The following PCDHGB2 variants were observed in gnomAD, a reference collection of about 807,000 sequenced individuals.
The protein encoded by PCDHGB2 is protocadherin gamma-B2.
Under a neutral mutation model 59.3 loss-of-function variants are expected in PCDHGB2, and 55 were observed. The observed-to-expected ratio is 0.93, with a 90% confidence interval of 0.75 to 1.16. PCDHGB2 has a LOEUF of 1.16. PCDHGB2 is among the 50% of genes most tolerant of loss of function. PCDHGB2 has a pLI of 0.00. For synonymous variants in PCDHGB2, 516 were observed against 512.0 expected (o/e 1.01, Z -0.11); for missense variants, 1,228 against 1,198.5 (o/e 1.02, Z -0.36).
At position 141,384,421 on chromosome 5, in the gene PCDHGB2, A is replaced by T. The variant is rs764678416; in HGVS notation, c.2421+21865A>T. The T allele has an allele frequency of 1.9e-6, 3 of 1,613,914 alleles. No homozygotes were observed. In the South Asian group the frequency reaches 3.3e-5, roughly 18 times the overall value. ...TCCAGTGTCCTCCTATGTCTCCATA[A>T]ACTCTGACACTGGAGTCCTGTACGC... On this transcript the variant is annotated intron_variant, in intron 1 of 3. Transcript: ENST00000522605.
chr5:141,486,843 A>G lies in PCDHGB2; in HGVS notation c.2422-7964A>G, dbSNP rs1455684942. On this transcript the variant is annotated intron_variant, in intron 1 of 3. Coordinates refer to ENST00000522605, the MANE Select transcript of PCDHGB2 (RefSeq NM_018923.3). The surrounding 1 kb of genome is among the most constrained non-coding windows in gnomAD (Gnocchi z 5.0). ...GTAACAGTTCGTCTATTTGTGCTGG[A>G]CCTCAATGACAATGCTCCAGCTGTG... 6.2e-7 allele frequency: 1 copy of G among 1,614,214 alleles called. No homozygotes were observed. Among genetic ancestry groups the G allele is most frequent in the Admixed American group, 1.7e-5 (1 of 60,034 alleles).
chr5:141,414,649 AT>A (rs1410490912), intron 1 of PCDHGB2: 15 of 1,613,914 alleles, frequency 9.3e-6, no homozygotes, highest in Non-Finnish European at 1.3e-5. Context: ...TGCCCAGATT[AT>A]TTACTCCCTG....
At chr5:141,394,689 G>A (rs1354749268) in intron 1 of PCDHGB2, 4 of 1,612,344 alleles carry the variant, frequency 2.5e-6, no homozygotes, top group Non-Finnish European at 3.4e-6. Flanking sequence ...CACGGGCGAG[G>A]TGCGCACGGC....
At position 141,360,821 on chromosome 5, in the gene PCDHGB2, G is replaced by A. The variant is rs1214770155; in HGVS notation, c.686G>A (p.Arg229Gln). Residue 229 changes from arginine (R) to glutamine (Q), a missense_variant, in exon 1 of 4, where the codon CGA (arginine) becomes CAA (glutamine). By Grantham distance (43) the Arg-to-Gln change is conservative. Around this residue, in one of 3 missense-constraint regions of PCDHGB2, gnomAD observed 781 missense variants for 721.6 expected, o/e 1.08. Coordinates refer to ENST00000522605, the MANE Select transcript of PCDHGB2 (RefSeq NM_018923.3). ...DPPQSGTTQI[R>Q]IKVTDANDNP... Reference sequence around the variant, plus strand: ...CCTCAAAGTGGCACGACCCAAATCCGAATCAAAGTCACGGATGCCAACGAT... The same window carrying A: ...CCTCAAAGTGGCACGACCCAAATCCAAATCAAAGTCACGGATGCCAACGAT... 1 of 1,613,924 alleles carries A rather than the reference G, an allele frequency of 6.2e-7. No homozygotes were observed. Among genetic ancestry groups the A allele is most frequent in the Non-Finnish European group, 8.5e-7 (1 of 1,179,882 alleles).
rs542553570 is a variant in PCDHGB2 at position 141,372,192 on chromosome 5, T to C, written c.2421+9636T>C. On this transcript the variant is annotated intron_variant, in intron 1 of 3. Coordinates refer to ENST00000522605, the MANE Select transcript of PCDHGB2 (RefSeq NM_018923.3). The stretch of plus-strand genomic sequence containing the variant: ...GGTGGCGGTGGACGCAGACTCGGGA[T>C]ACAACGCCTGGCTGTCCTACCACAT... 6.2e-6 allele frequency: 10 copies of C among 1,613,546 alleles called. No homozygotes were observed. Among genetic ancestry groups the C allele is most frequent in the Middle Eastern group, 1.7e-4 (1 of 6,028 alleles).
intron 1 of PCDHGB2, chr5:141,388,782 A>G (rs1589071559): frequency 6.2e-7 from 1 of 1,613,902 alleles, no homozygotes; most frequent in African/African-American, 1.3e-5. Flanking sequence ...CGGGGAAATT[A>G]CTGTTTTAAA....
At chr5:141,364,743 T>C in intron 1 of PCDHGB2, 1 of 1,613,916 alleles carries the variant, frequency 6.2e-7, no homozygotes, top group Non-Finnish European at 8.5e-7. Flanking sequence ...GATGAAGAGT[T>C]AAAAGTAAAA....
In PCDHGB2 at chr5:141,384,701, A is replaced by G. The variant is rs775540555; in HGVS notation, c.2421+22145A>G. On this transcript the variant is annotated intron_variant, in intron 1 of 3. Transcript: ENST00000522605. ...GCGGTGGACAAAGATTCAGGCCAGA[A>G]CGCCTGGCTGTCATACCTCCTGCTT... is the stretch of plus-strand genomic sequence containing the variant. The G allele has an allele frequency of 8.7e-6, 14 of 1,614,138 alleles. No homozygotes were observed. In the South Asian group the frequency reaches 1.2e-4, roughly 14 times the overall value.
chr5:141,408,717 T>C lies in PCDHGB2; in HGVS notation c.2421+46161T>C, dbSNP rs774691298. ...ATAAACTCAATTAAAGATTATAAGA[T>C]AAACTCTAATCCTTATTTTTCATTA... is the stretch of plus-strand genomic sequence containing the variant. On this transcript the variant is annotated intron_variant, in intron 1 of 3. Transcript: ENST00000522605. The C allele has an allele frequency of 1.9e-6, 3 of 1,611,662 alleles. No individual in the cohort carries two copies. In the South Asian group the frequency reaches 3.3e-5, roughly 18 times the overall value.
chr5:141,389,196 C>T, intron 1 of PCDHGB2: 1 of 1,614,048 alleles, frequency 6.2e-7, no homozygotes, highest in South Asian at 1.1e-5. Flanking sequence ...CAGCATCACC[C>T]TGCACATTGG....
rs1372151234 is a variant in PCDHGB2 at position 141,360,418 on chromosome 5, A to G, written c.283A>G (p.Ile95Val). 1.2e-6 allele frequency: 2 copies of G among 1,613,992 alleles called. No individual in the cohort carries two copies. Among genetic ancestry groups the G allele is most frequent in the Non-Finnish European group, 1.7e-6 (2 of 1,179,884 alleles). ...LVSDRIDREQICGKQPLCVLD... is the reference protein window; with the variant it reads ...LVSDRIDREQVCGKQPLCVLD... Reference sequence around the variant, plus strand: ...GAGTGACAGAATAGACCGAGAACAGATATGCGGGAAGCAGCCTCTGTGTGT... The same window carrying G: ...GAGTGACAGAATAGACCGAGAACAGGTATGCGGGAAGCAGCCTCTGTGTGT... The change falls in exon 1 of 4, where the codon ATA becomes GTA. Residue 95 changes from isoleucine to valine, a missense_variant. This residue lies in a region of PCDHGB2 where 781 missense variants were observed against 721.6 expected (regional missense o/e 1.08). Coordinates refer to ENST00000522605, the MANE Select transcript of PCDHGB2 (RefSeq NM_018923.3).
intron 1 of PCDHGB2, among the ~76,000 whole-genome samples, chr5:141,492,920 G>A (rs2099745093): frequency 6.6e-6 from 1 of 152,198 alleles, no homozygotes; most frequent in African/African-American, 2.4e-5. Context: ...TGTGCCCAGC[G>A]ATCTAGGGTC....
intron 1 of PCDHGB2, chr5:141,393,347 C>A: frequency 6.2e-7 from 1 of 1,613,980 alleles, no homozygotes; most frequent in Non-Finnish European, 8.5e-7. Context: ...ATCACCACTT[C>A]TCCCTGGACG....
intron 1 of PCDHGB2, chr5:141,408,275 T>C: frequency 1.2e-6 from 2 of 1,611,874 alleles, no homozygotes; most frequent in Non-Finnish European, 1.7e-6. Flanking sequence ...GCTGCCTTTG[T>C]TCTACCCCAC....
intron 1 of PCDHGB2, chr5:141,388,506 T>C: frequency 6.2e-7 from 1 of 1,613,870 alleles, no homozygotes; most frequent in Non-Finnish European, 8.5e-7. Flanking sequence ...GCAGAAATCC[T>C]ACCACTTGAC....
chr5:141,419,461 C>T, intron 1 of PCDHGB2: 2 of 1,612,628 alleles, frequency 1.2e-6, no homozygotes, highest in Non-Finnish European at 1.7e-6. Flanking sequence ...CGCTGCAGGC[C>T]CGCGACCAGG....
Position 141,489,624 on chromosome 5 carries a change from C to T in PCDHGB2, c.2422-5183C>T. 1 of 1,614,088 alleles carries T rather than the reference C, an allele frequency of 6.2e-7. No homozygotes were observed. On this transcript the variant is annotated intron_variant, in intron 1 of 3. Transcript: ENST00000522605. The surrounding 1 kb of genome is among the most constrained non-coding windows in gnomAD (Gnocchi z 4.5). Reference sequence around the variant, plus strand: ...AGGTAGAGATCCTGGATCTCAATGACAACTCTCCTAGCTTTGCCACCCCTG... The same window carrying T: ...AGGTAGAGATCCTGGATCTCAATGATAACTCTCCTAGCTTTGCCACCCCTG...
intron 1 of PCDHGB2, chr5:141,394,115 T>G: frequency 2.5e-6 from 4 of 1,613,954 alleles, no homozygotes; most frequent in Non-Finnish European, 3.4e-6. Flanking sequence ...CTCTGTCCAC[T>G]GAAACTCAAA....
intron 1 of PCDHGB2, among the ~76,000 whole-genome samples, chr5:141,458,758 G>T (rs1473104567): frequency 1.3e-5 from 2 of 150,844 alleles, no homozygotes; most frequent in Non-Finnish European, 3.0e-5. Context: ...TTTGAGACAG[G>T]GTCTTGCTGT....
Sources: gnomAD v4.1 joint callset for allele counts (sites outside exome capture counted in the v4.1 genomes callset) on GRCh38, gnomAD v4.1.1 for gene constraint, gnomAD v4.1.1 regional missense constraint, Gnocchi (gnomAD v3.1) non-coding constraint, MANE v1.5 for transcripts, NCBI Gene and HGNC (gene_info 2026-07-23, HGNC 2026-07-21) for gene names.